Variants in PRDM9 observed in about 807,000 individuals in gnomAD.
PRDM9 encodes the protein PR/SET domain 9.
PRDM9 carries 47 observed loss-of-function variants against 55.6 expected under a neutral mutation model. That is an observed-to-expected ratio of 0.85 (90% confidence interval 0.67 to 1.08). The LOEUF is 1.08. PRDM9 is among the 50% of genes least tolerant of loss of function. The pLI is 0.00. For synonymous variants in PRDM9, 312 were observed against 375.7 expected, an observed-to-expected ratio of 0.83 and a Z score of 1.96; for missense variants, 867 against 1,040.3, an observed-to-expected ratio of 0.83 and a Z score of 2.29.
In PRDM9 at chr5:23,518,036, T is replaced by C. The variant is rs1379607556; in HGVS notation, c.351+106T>C. ...TATCATAGGAACTAATGCCTTCTTTTCCTGATCTCTTTAGCACAGTGTCTG... is the reference window on the plus strand; with the variant it reads ...TATCATAGGAACTAATGCCTTCTTTCCCTGATCTCTTTAGCACAGTGTCTG... On this transcript the variant is annotated intron_variant, in intron 5 of 10. Transcript: ENST00000296682. 2.9e-6 allele frequency: 3 copies of C among 1,045,026 alleles called. No individual in the cohort carries two copies. In the South Asian group the frequency reaches 3.8e-5, roughly 13 times the overall value. The allele number at this position is 1,045,026 out of a possible 1,614,324, so 64.7% of individuals were successfully genotyped here.
chr5:23,510,447 C>T (rs1417034860), intron 4 of PRDM9, among the ~76,000 whole-genome samples: 2 of 151,916 alleles, frequency 1.3e-5, no homozygotes, highest in African/African-American at 2.4e-5. Context: ...CAGCCTCTGC[C>T]TTCCGGGTTA....
intron 9 of PRDM9, among the ~76,000 whole-genome samples, 176 bp from the exon 10 acceptor site, chr5:23,524,158 T>C (rs1739386258): frequency 6.6e-6 from 1 of 152,064 alleles, no homozygotes; most frequent in African/African-American, 2.4e-5. Flanking sequence ...GAAGTGCAAG[T>C]TCATATGACA....
At chr5:23,520,665 T>C (rs924422121) in intron 5 of PRDM9, among the ~76,000 whole-genome samples, 1 of 152,150 alleles carries the variant, frequency 6.6e-6, no homozygotes, top group Admixed American at 6.5e-5. Flanking sequence ...ACATTTCCCC[T>C]TCTATCAAAA....
intron 9 of PRDM9, 86 bp downstream of exon 9, chr5:23,523,444 A>T: frequency 7.2e-7 from 1 of 1,389,686 alleles, no homozygotes; most frequent in Non-Finnish European, 1.0e-6. Context: ...TGCCTCCCTC[A>T]ATGATTTTCA....
At chr5:23,512,128 G>T (rs1739111415) in intron 4 of PRDM9, among the ~76,000 whole-genome samples, 1 of 152,024 alleles carries the variant, frequency 6.6e-6, no homozygotes, top group Non-Finnish European at 1.5e-5. Context: ...ATAATATTAA[G>T]TAAAGATATA....
intron 4 of PRDM9, among the ~76,000 whole-genome samples, chr5:23,511,699 A>G (rs1739103058): frequency 6.6e-6 from 1 of 152,232 alleles, no homozygotes; most frequent in South Asian, 2.1e-4. Flanking sequence ...AGATACAATA[A>G]TAAGTGGTAA....
chr5:23,524,632 G>A (rs1174028450), intron 10 of PRDM9, 105 bp downstream of exon 10: 2 of 1,521,612 alleles, frequency 1.3e-6, no homozygotes, highest in African/African-American at 1.4e-5. Flanking sequence ...TCTAAAGTCA[G>A]TAAGATTTCA....
At position 23,523,291 on chromosome 5, in the gene PRDM9, A is replaced by G. The variant is rs374596343; in HGVS notation, c.883A>G (p.Ile295Val). The change falls in exon 9 of 11, where the codon ATC becomes GTC. Residue 295 changes from isoleucine to valine, a missense_variant and splice_region_variant. Physicochemically the swap from Ile to Val is conservative, Grantham distance 29. Around this residue, in one of 5 missense-constraint regions of PRDM9, gnomAD observed 662 missense variants for 711.9 expected, o/e 0.93. Coordinates refer to ENST00000296682, the MANE Select transcript of PRDM9 (RefSeq NM_020227.4). ...TTTGCCTTGTTTTTCTGAAACTCAG[A>G]TCACCAAGGGGAGAAACTGCTATGA... ...EAANNGYSWLITKGRNCYEYV... is the reference protein window; with the variant it reads ...EAANNGYSWLVTKGRNCYEYV... 5.0e-6 allele frequency: 8 copies of G among 1,613,622 alleles called. No individual in the cohort carries two copies. The Admixed American group carries it at 1.0e-4, about 20-fold the overall frequency.
chr5:23,520,050 A>AC (rs1739295718), intron 5 of PRDM9, among the ~76,000 whole-genome samples: 1 of 12,240 alleles, frequency 8.2e-5, no homozygotes, highest in South Asian at 3.2e-3. Context: ...TCTCAAAAAA[A>AC]TAAAAAAAAA....
At chr5:23,522,911 G>A (rs1481228667) in intron 8 of PRDM9, 26 bp downstream of exon 8, 1 of 1,614,268 alleles carries the variant, frequency 6.2e-7, no homozygotes, top group Non-Finnish European at 8.5e-7. Flanking sequence ...CATTTCCCCT[G>A]TTCTGTCTTC....
rs76625593 is a variant in PRDM9, at chr5:23,511,322, T to A, written c.301+1295T>A. 8.3e-3 allele frequency among the ~76,000 whole-genome samples: 1,084 copies of A among 130,398 alleles called. 21 individuals carry two copies. Among genetic ancestry groups the A allele is most frequent in the African/African-American group, 0.03 (1,024 of 34,652 alleles). The allele number at this position is 130,398 out of a possible 152,430, so 85.5% of individuals were successfully genotyped here. A position where few individuals can be genotyped will look rare whatever the true frequency, so the allele number is the denominator to read the frequency against. Reference sequence around the variant, plus strand: ...ACAGTAAGAGGTTATTCATATAACGTTTGTTTGTTTGTTTGTTGTTTTTGT... The same window carrying A: ...ACAGTAAGAGGTTATTCATATAACGATTGTTTGTTTGTTTGTTGTTTTTGT... On this transcript the variant is annotated intron_variant, in intron 4 of 10. Transcript: ENST00000296682.
At chr5:23,520,703 C>T (rs191627771) in intron 5 of PRDM9, among the ~76,000 whole-genome samples, 1 of 152,202 alleles carries the variant, frequency 6.6e-6, no homozygotes, top group Admixed American at 6.5e-5. Flanking sequence ...AGATTCCCTC[C>T]TTCTCTTTGT....
intron 4 of PRDM9, 30 bp from the exon 5 acceptor site, chr5:23,517,851 C>T (rs1739245585): frequency 1.9e-6 from 3 of 1,551,864 alleles, no homozygotes; most frequent in South Asian, 1.1e-5. Context: ...CATTTACCAA[C>T]CAAACCACTG....
chr5:23,513,336 A>G (rs1739137713), intron 4 of PRDM9, among the ~76,000 whole-genome samples: 1 of 152,222 alleles, frequency 6.6e-6, no homozygotes, highest in African/African-American at 2.4e-5. Context: ...GAGGTGAATT[A>G]GGTAATGATA....
intron 4 of PRDM9, among the ~76,000 whole-genome samples, chr5:23,510,713 C>G (rs1437397878): frequency 6.6e-6 from 1 of 151,776 alleles, no homozygotes; most frequent in Non-Finnish European, 1.5e-5. Flanking sequence ...ACTCTGTCAC[C>G]CAGGCTGGAG....
intron 1 of PRDM9, among the ~76,000 whole-genome samples, 170 bp downstream of exon 1, chr5:23,507,882 C>G (rs1277093822): frequency 1.3e-5 from 2 of 151,938 alleles, no homozygotes; most frequent in African/African-American, 2.4e-5. Context: ...TTCAGAGACT[C>G]CAAATCCCTT....
chr5:23,520,963 A>T, intron 5 of PRDM9, 60 bp from the exon 6 acceptor site: 1 of 1,580,856 alleles, frequency 6.3e-7, no homozygotes, highest in Non-Finnish European at 8.7e-7. Context: ...AACATGTTGC[A>T]AGCCGTAAAG....
At chr5:23,508,702 C>T (rs1298219295) in intron 1 of PRDM9, among the ~76,000 whole-genome samples, 1 of 152,174 alleles carries the variant, frequency 6.6e-6, no homozygotes, top group Non-Finnish European at 1.5e-5. Flanking sequence ...CTGTGCCACC[C>T]TTCTCCAAAT....
At chr5:23,525,974 C>A (rs1245148737) in intron 10 of PRDM9, among the ~76,000 whole-genome samples, 1 of 152,030 alleles carries the variant, frequency 6.6e-6, no homozygotes, top group African/African-American at 2.4e-5. Flanking sequence ...AATGACACTG[C>A]CCTGATGCTG....
Sources: allele counts gnomAD v4.1 joint callset (sites outside exome capture counted in the v4.1 genomes callset), GRCh38; gene constraint gnomAD v4.1.1; regional missense constraint gnomAD v4.1.1; transcripts MANE v1.5; gene names NCBI Gene and HGNC (gene_info 2026-07-23, HGNC 2026-07-21).